Variants in NR2E3 observed in about 807,000 individuals in gnomAD.
NR2E3 encodes nuclear receptor subfamily 2 group E member 3, also known as photoreceptor-specific nuclear receptor.
Under a neutral mutation model 37.6 loss-of-function variants are expected in NR2E3, and 38 were observed. The observed-to-expected ratio is 1.01, with a 90% CI of 0.78 to 1.33. The LOEUF (loss-of-function observed/expected upper bound fraction) is 1.33. NR2E3 is among the 40% of genes most tolerant of loss of function. NR2E3 has a pLI of 0.00. For missense variants in NR2E3, 562 were observed against 558.7 expected, an observed-to-expected ratio of 1.01 and a Z score of -0.06; for synonymous variants, 235 against 225.1, an observed-to-expected ratio of 1.04 and a Z score of -0.39.
chr15:71,814,046 G>C lies in NR2E3; in HGVS notation c.1029G>C (p.Glu343Asp). 1 of 1,612,800 alleles carries C rather than the reference G, an allele frequency of 6.2e-7. No homozygotes were observed. Among genetic ancestry groups the C allele is most frequent in the Non-Finnish European group, 8.5e-7 (1 of 1,179,720 alleles). ...GCCTGAAGGATCCTGAGCACGTAGAGGCCTTGCAGGACCAGTCCCAAGTGA... is the reference window on the plus strand; with the variant it reads ...GCCTGAAGGATCCTGAGCACGTAGACGCCTTGCAGGACCAGTCCCAAGTGA... ...TRGLKDPEHV[E>D]ALQDQSQVML... Residue 343 changes from glutamate to aspartate, a missense_variant, in exon 7 of 8, where the codon GAG (glutamate) becomes GAC (aspartate). Glu to Asp is a conservative substitution (Grantham distance 45). Coordinates refer to ENST00000617575, the MANE Select transcript of NR2E3 (RefSeq NM_014249.4).
rs536398548 is a variant in NR2E3 at position 71,814,216 on chromosome 15, A to G, written c.1100+99A>G. ...CAGAGCTCACTGATTAGACAGCACA[A>G]GGGTCTCAGTTCAACAGCATACAGC... On this transcript the variant is annotated intron_variant, in intron 7 of 7. Transcript: ENST00000617575. 14 of 1,491,274 alleles carry G rather than the reference A, an allele frequency of 9.4e-6. No individual in the cohort carries two copies. In the Admixed American group the frequency reaches 2.3e-4, roughly 24 times the overall value. The allele number at this position is 1,491,274 out of a possible 1,614,324, so 92.4% of individuals were successfully genotyped here. A position where few individuals can be genotyped will look rare whatever the true frequency, so the allele number is the denominator to read the frequency against.
In NR2E3 at chr15:71,813,308, G is replaced by A. The variant is rs2054200660; in HGVS notation, c.748-81G>A. ...AGGACAGCACTTCCATTCCTTGGGT[G>A]CCTGAGATGGTGGCAGAGGCTCCAG... On this transcript the variant is annotated intron_variant, in intron 5 of 7. Coordinates refer to ENST00000617575, the MANE Select transcript of NR2E3 (RefSeq NM_014249.4). The surrounding 1 kb of genome is among the most constrained non-coding windows in gnomAD (Gnocchi z 4.7). 6.5e-7 allele frequency: 1 copy of A among 1,540,968 alleles called. No individual in the cohort carries two copies. Among genetic ancestry groups the A allele is most frequent in the South Asian group, 1.2e-5 (1 of 83,754 alleles).
chr15:71,814,241 C>G, intron 7 of NR2E3, 124 bp downstream of exon 7: 1 of 1,463,074 alleles, frequency 6.8e-7, no homozygotes, highest in Non-Finnish European at 9.0e-7. Context: ...CAGCATACAG[C>G]CAACATCTAT....
Position 71,817,465 on chromosome 15 carries a change from C to T in NR2E3, c.1101-87C>T, listed in dbSNP as rs574862080. The T allele has an allele frequency of 7.7e-5, 113 of 1,475,712 alleles. No homozygotes were observed. In the East Asian group the frequency reaches 2.3e-3, roughly 30 times the overall value. 91.4% of individuals were successfully genotyped at this position (1,475,712 alleles called of 1,614,324 possible). A position where few individuals can be genotyped will look rare whatever the true frequency, so the allele number is the denominator to read the frequency against. ...GGACCTCATCTCTCCTCTCCTTCCT[C>T]CCCTCCCTTTCCTGGGAGGGCACCG... On this transcript the variant is annotated intron_variant, in intron 7 of 7. Coordinates refer to ENST00000617575, the MANE Select transcript of NR2E3 (RefSeq NM_014249.4).
Position 71,811,452 on chromosome 15 carries a change from CCCTGGCCCAGCCCTG to C in NR2E3, c.119-28_119-14del, listed in dbSNP as rs2054178650. On this transcript the variant is annotated splice_polypyrimidine_tract_variant and intron_variant, in intron 1 of 7. Transcript: ENST00000617575. The surrounding 1 kb of genome is among the most constrained non-coding windows in gnomAD (Gnocchi z 5.6). ...GCAGCCCTGCCCCGGCCCAGCCCTGCCCTGGCCCAGCCCTGCCCCCTGCCCCTCAGGCGTGAGCCC... is the reference window on the plus strand; with the variant it reads ...GCAGCCCTGCCCCGGCCCAGCCCTGCCCCCCTGCCCCTCAGGCGTGAGCCC... The C allele has an allele frequency of 2.7e-6, 4 of 1,491,230 alleles. No individual in the cohort carries two copies. In the African/African-American group the frequency reaches 7.0e-5, roughly 26 times the overall value. The allele number at this position is 1,491,230 out of a possible 1,614,324, so 92.4% of individuals were successfully genotyped here.
At chr15:71,817,468 C>T (rs1567161846) in intron 7 of NR2E3, 84 bp from the exon 8 acceptor site, 2 of 1,483,298 alleles carry the variant, frequency 1.3e-6, no homozygotes, top group Non-Finnish European at 1.8e-6. Context: ...CCTTCCTCCC[C>T]TCCCTTTCCT....
intron 4 of NR2E3, 68 bp downstream of exon 4, chr15:71,812,244 C>T (rs1309286056): frequency 8.1e-6 from 13 of 1,609,100 alleles, no homozygotes; most frequent in Non-Finnish European, 1.1e-5. Flanking sequence ...GCTGCAGCGC[C>T]TTGCCTTGAT....
intron 7 of NR2E3, 59 bp from the exon 8 acceptor site, chr15:71,817,493 C>A: frequency 6.5e-7 from 1 of 1,531,212 alleles, no homozygotes; most frequent in South Asian, 1.3e-5. Context: ...GGGCACCGCC[C>A]CAGGGACTAG....
chr15:71,817,513 G>T (rs769814496), intron 7 of NR2E3, 39 bp from the exon 8 acceptor site: 1 of 1,561,720 alleles, frequency 6.4e-7, no homozygotes, highest in East Asian at 2.3e-5. Flanking sequence ...GTGCTCAGAA[G>T]CTGGTCGTAA....
chr15:71,815,067 G>A (rs2054216689), intron 7 of NR2E3: 2 of 263,054 alleles, frequency 7.6e-6, no homozygotes, highest in Non-Finnish European at 1.2e-5. Flanking sequence ...GCTAGGTTTG[G>A]GGGAGAGTTG....
rs561205284 is a variant in NR2E3 at position 71,813,697 on chromosome 15, T to C, written c.994+62T>C. 3.5e-4 allele frequency: 566 copies of C among 1,603,202 alleles called. 1 individual carries two copies. In the African/African-American group the frequency reaches 6.2e-3, roughly 18 times the overall value. On this transcript the variant is annotated intron_variant, in intron 6 of 7. Transcript: ENST00000617575. This position sits in a 1 kb window ranked among gnomAD's most constrained non-coding sequence, Gnocchi z 4.7. ...CTGGTGACTTCCATCTGCCTCTCAC[T>C]CTCCCTCCACTACCCCCATGTGTGC... is the stretch of plus-strand genomic sequence containing the variant.
At chr15:71,815,768 C>T (rs1260159893) in intron 7 of NR2E3, among the ~76,000 whole-genome samples, 1 of 152,160 alleles carries the variant, frequency 6.6e-6, no homozygotes. Flanking sequence ...GAAGTAATTC[C>T]TACCCTTAGC....
Position 71,817,654 on chromosome 15 carries a change from G to A in NR2E3, c.1203G>A (p.Glu401=). ...FRKTIGNTPM[E]KLLCDMFKN ...AGACCATAGGGAATACTCCAATGGA[G>A]AAGCTCCTTTGTGATATGTTCAAAA... Residue 401 remains glutamate (E), a synonymous_variant, in exon 8 of 8, where the codon GAG becomes GAA. Transcript: ENST00000617575. 6.2e-7 allele frequency: 1 copy of A among 1,606,958 alleles called. No individual in the cohort carries two copies. The highest frequency in any genetic ancestry group is 8.5e-7 in the Non-Finnish European group (1 of 1,173,986).
chr15:71,811,387 T>C lies in NR2E3; in HGVS notation c.119-96T>C. The C allele has an allele frequency of 5.0e-6, 6 of 1,196,132 alleles. No individual in the cohort carries two copies. 74.1% of individuals were successfully genotyped at this position (1,196,132 alleles called of 1,614,324 possible). A position where few individuals can be genotyped will look rare whatever the true frequency, so the allele number is the denominator to read the frequency against. ...CGTTCAAATGCGGGTGAGCGGGGCC[T>C]GAGGACTGGGAAAGGGACCCGAGGG... On this transcript the variant is annotated intron_variant, in intron 1 of 7. Transcript: ENST00000617575. The surrounding 1 kb of genome is among the most constrained non-coding windows in gnomAD (Gnocchi z 5.6).
intron 7 of NR2E3, among the ~76,000 whole-genome samples, chr15:71,816,315 C>T (rs1022031896): frequency 6.8e-6 from 1 of 147,998 alleles, no homozygotes; most frequent in Non-Finnish European, 1.5e-5. Context: ...GGCTGGAGCG[C>T]AGTGGCGTGA....
chr15:71,811,587 G>C lies in NR2E3; in HGVS notation c.223G>C (p.Val75Leu). ...NGCSGFFKRS[V>L]RRRLIYRCQV... ...CTGCAGCGGCTTCTTCAAGAGGAGC[G>C]TACGGCGGAGGCTCATCTACAGGTG... Residue 75 changes from valine (V) to leucine (L), a missense_variant, in exon 2 of 8, where the codon GTA becomes CTA. Transcript: ENST00000617575. The surrounding 1 kb of genome is among the most constrained non-coding windows in gnomAD (Gnocchi z 5.6). 6.2e-7 allele frequency: 1 copy of C among 1,604,086 alleles called. No individual in the cohort carries two copies. The highest frequency in any genetic ancestry group is 8.5e-7 in the Non-Finnish European group (1 of 1,175,944).
Position 71,818,229 on chromosome 15 carries a change from TA to T in NR2E3, c.*557del, listed in dbSNP as rs369467965. On this transcript the variant is annotated 3_prime_UTR_variant, in exon 8 of 8. Coordinates refer to ENST00000617575, the MANE Select transcript of NR2E3 (RefSeq NM_014249.4). ...ATTTTGTTAGACCTCAATAAAAAAG[TA>T]AAAAAAAAAAACAAAAAAAACCAGA... The T allele has an allele frequency of 1.3e-3, 168 of 128,794 alleles. No individual in the cohort carries two copies. In the East Asian group the frequency reaches 0.026, roughly 20 times the overall value. The allele number at this position is 128,794 out of a possible 1,614,324, so 8.0% of individuals were successfully genotyped here. A position where few individuals can be genotyped will look rare whatever the true frequency, so the allele number is the denominator to read the frequency against.
At chr15:71,814,978 G>A (rs753430051) in intron 7 of NR2E3, 53 of 883,622 alleles carry the variant, frequency 6.0e-5, no homozygotes, top group African/African-American at 4.5e-4. Context: ...GAGGAAAGAC[G>A]GTTTTGAGGG....
At chr15:71,816,386 G>A (rs2140293839) in intron 7 of NR2E3, among the ~76,000 whole-genome samples, 1 of 148,408 alleles carries the variant, frequency 6.7e-6, no homozygotes, top group Non-Finnish European at 1.5e-5. Context: ...TCAGCCTCCC[G>A]AGTAGCTGGG....
Sources: allele counts gnomAD v4.1 joint callset (sites outside exome capture counted in the v4.1 genomes callset), GRCh38; gene constraint gnomAD v4.1.1; non-coding constraint Gnocchi (gnomAD v3.1); transcripts MANE v1.5; gene names NCBI Gene and HGNC (gene_info 2026-07-23, HGNC 2026-07-21).